TIMM10B: variants seen among roughly 807,000 people sequenced by gnomAD.
TIMM10B encodes mitochondrial import inner membrane translocase subunit Tim10 B.
A neutral mutation model predicts 12.6 loss-of-function variants in TIMM10B; 17 were observed. The observed-to-expected ratio is 1.35, with a 90% CI of 0.92 to 2.03. TIMM10B has a LOEUF of 2.03. Ranked by LOEUF, TIMM10B falls within the 30% of genes most tolerant of loss-of-function variation. The probability of loss-of-function intolerance (pLI) is 0.00; values close to 1 mark genes in which losing one functional copy is unlikely to be tolerated. For missense variants in TIMM10B, 165 were observed against 133.3 expected (o/e 1.24, Z -1.17); for synonymous variants, 63 against 51.3 (o/e 1.23, Z -0.97).
rs748468669 is a variant in TIMM10B, at chr11:6,481,758, T to C, written c.41T>C (p.Leu14Pro). 1.2e-6 allele frequency: 2 copies of C among 1,614,020 alleles called. No individual in the cohort carries two copies. Among genetic ancestry groups the C allele is most frequent in the East Asian group, 2.2e-5 (1 of 44,894 alleles). The change falls in exon 2 of 3, where the codon CTG becomes CCG. Residue 14 changes from leucine (L) to proline (P), a missense_variant and splice_region_variant. By Grantham distance (98) the Leu-to-Pro change is moderately conservative. Coordinates refer to ENST00000254616, the MANE Select transcript of TIMM10B (RefSeq NM_012192.4). Reference sequence around the variant, plus strand: ...TTTGTGGTCCCCCTTTTCTCTCAGCTGCGTGACTTCCTGTTGGTCTACAAT... The same window carrying C: ...TTTGTGGTCCCCCTTTTCTCTCAGCCGCGTGACTTCCTGTTGGTCTACAAT... The part of the protein sequence containing the change: ...QQQQQQQLRN[L>P]RDFLLVYNRM...
chr11:6,481,524 GGCAGCA>G lies in TIMM10B; in HGVS notation c.18_23del (p.Gln9_Gln10del). The G allele has an allele frequency of 3.7e-6, 6 of 1,610,484 alleles. No homozygotes were observed. The highest frequency in any genetic ancestry group is 4.2e-6 in the Non-Finnish European group (5 of 1,178,472). The stretch of plus-strand genomic sequence containing the variant: ...GCATGCGCCGGTGGCGTGATGGAGC[GGCAGCA>G]GCAGCAGCAACAGCAACTGCGAAAC... On this transcript the variant is annotated inframe_deletion, in exon 1 of 3. Transcript: ENST00000254616.
rs1355761988 is a variant in TIMM10B, at chr11:6,483,489, C to T, written c.*1268C>T. 1.3e-5 allele frequency: 2 copies of T among 152,264 alleles called. No individual in the cohort carries two copies. The highest frequency in any genetic ancestry group is 4.8e-5 in the African/African-American group (2 of 41,434). 9.4% of individuals were successfully genotyped at this position (152,264 alleles called of 1,614,324 possible). On this transcript the variant is annotated 3_prime_UTR_variant, in exon 3 of 3. Coordinates refer to ENST00000254616, the MANE Select transcript of TIMM10B (RefSeq NM_012192.4). ...ACTTATTCTGTCTTTTCCATTCCTT[C>T]ATTCAAACTGCTAGAGAAAAACAGT... is the stretch of plus-strand genomic sequence containing the variant.
rs937414600 is a variant in TIMM10B, at chr11:6,482,730, G to T, written c.*509G>T. On this transcript the variant is annotated 3_prime_UTR_variant, in exon 3 of 3. Coordinates refer to ENST00000254616, the MANE Select transcript of TIMM10B (RefSeq NM_012192.4). ...CCTGCCCAGATGACAGAAAATGGGA[G>T]CTCTGTCTAGTTGTCCTTAAGTCTG... The T allele has an allele frequency of 2.6e-5, 4 of 155,398 alleles. No individual in the cohort carries two copies. Among genetic ancestry groups the T allele is most frequent in the Non-Finnish European group, 5.7e-5 (4 of 69,788 alleles). 9.6% of individuals were successfully genotyped at this position (155,398 alleles called of 1,614,324 possible).
At position 6,482,901 on chromosome 11, in the gene TIMM10B, G is replaced by T. The variant is rs573715471; in HGVS notation, c.*680G>T. ...AGTACAACGGATCAAAAAACCACAG[G>T]GCTTTTGGGCACTGCCTCCTTGGGA... On this transcript the variant is annotated 3_prime_UTR_variant, in exon 3 of 3. Coordinates refer to ENST00000254616, the MANE Select transcript of TIMM10B (RefSeq NM_012192.4). The T allele has an allele frequency of 1.4e-4, 21 of 152,318 alleles. No homozygotes were observed. Among genetic ancestry groups the T allele is most frequent in the African/African-American group, 4.8e-4 (20 of 41,556 alleles). The allele number at this position is 152,318 out of a possible 1,614,324, so 9.4% of individuals were successfully genotyped here. A position where few individuals can be genotyped will look rare whatever the true frequency, so the allele number is the denominator to read the frequency against.
In TIMM10B at chr11:6,484,429, A is replaced by G. The variant is rs1013382572; in HGVS notation, c.*2208A>G. 2.0e-5 allele frequency: 3 copies of G among 152,148 alleles called. No individual in the cohort carries two copies. Among genetic ancestry groups the G allele is most frequent in the Non-Finnish European group, 4.4e-5 (3 of 68,038 alleles). 9.4% of individuals were successfully genotyped at this position (152,148 alleles called of 1,614,324 possible). A position where few individuals can be genotyped will look rare whatever the true frequency, so the allele number is the denominator to read the frequency against. On this transcript the variant is annotated 3_prime_UTR_variant, in exon 3 of 3. Transcript: ENST00000254616. ...CTTATTGAGAAAAGTGGTTCCAATCATGTTTTTTGCCCCCTTTAGCTGCTA... is the reference window on the plus strand; with the variant it reads ...CTTATTGAGAAAAGTGGTTCCAATCGTGTTTTTTGCCCCCTTTAGCTGCTA...
At chr11:6,481,717 G>A (rs1357467562) in intron 1 of TIMM10B, 40 bp from the exon 2 acceptor site, 3 of 1,613,584 alleles carry the variant, frequency 1.9e-6, no homozygotes, top group Non-Finnish European at 2.5e-6. Flanking sequence ...AGAAGTGTGG[G>A]GCCCTTATCG....
intron 1 of TIMM10B, 99 bp downstream of exon 1, chr11:6,481,654 CTT>C: frequency 6.3e-7 from 1 of 1,583,746 alleles, no homozygotes; most frequent in Non-Finnish European, 8.6e-7. Context: ...GGGCTGGAAA[CTT>C]CGGGCTATGG....
At position 6,484,445 on chromosome 11, in the gene TIMM10B, T is replaced by C. The variant is rs977272225; in HGVS notation, c.*2224T>C. 4 of 152,196 alleles carry C rather than the reference T, an allele frequency of 2.6e-5. No homozygotes were observed. Among genetic ancestry groups the C allele is most frequent in the Non-Finnish European group, 4.4e-5 (3 of 68,036 alleles). 9.4% of individuals were successfully genotyped at this position (152,196 alleles called of 1,614,324 possible). A position where few individuals can be genotyped will look rare whatever the true frequency, so the allele number is the denominator to read the frequency against. On this transcript the variant is annotated 3_prime_UTR_variant, in exon 3 of 3. Coordinates refer to ENST00000254616, the MANE Select transcript of TIMM10B (RefSeq NM_012192.4). ...GTTCCAATCATGTTTTTTGCCCCCT[T>C]TAGCTGCTATCTCTTGAACAGAAAA...
rs1355322366 is a variant in TIMM10B, at chr11:6,482,014, A to T, written c.136-31A>T. ...GAGGCGGACCCGACAGGGCACCTTT[A>T]TCCTCCACTTAAACCCTATCTTCCT... On this transcript the variant is annotated intron_variant, in intron 2 of 2. Transcript: ENST00000254616. The T allele has an allele frequency of 1.9e-6, 3 of 1,602,472 alleles. No homozygotes were observed. In the African/African-American group the frequency reaches 4.0e-5, roughly 21 times the overall value.
In TIMM10B at chr11:6,483,684, C is replaced by T. The variant is rs1190992316; in HGVS notation, c.*1463C>T. On this transcript the variant is annotated 3_prime_UTR_variant, in exon 3 of 3. Coordinates refer to ENST00000254616, the MANE Select transcript of TIMM10B (RefSeq NM_012192.4). The stretch of plus-strand genomic sequence containing the variant: ...CTGCTGTCCTTAATCCCATACCCCA[C>T]CCTCATCAGGTGACCCTGTTTCCTT... 1 of 152,270 alleles carries T rather than the reference C, an allele frequency of 6.6e-6. No homozygotes were observed. The allele number at this position is 152,270 out of a possible 1,614,324, so 9.4% of individuals were successfully genotyped here.
intron 1 of TIMM10B, 69 bp from the exon 2 acceptor site, chr11:6,481,688 G>T (rs1589857480): frequency 6.2e-7 from 1 of 1,605,896 alleles, no homozygotes; most frequent in East Asian, 2.2e-5. Flanking sequence ...GGGAAACTTT[G>T]GGCGGCGCGA....
At chr11:6,481,904 T>C (rs1460861763) in intron 2 of TIMM10B, 52 bp downstream of exon 2, 16 of 1,608,002 alleles carry the variant, frequency 1.0e-5, no homozygotes, top group Admixed American at 1.7e-5. Context: ...AGCGGTAGAC[T>C]GCTTCCCTCC....
intron 2 of TIMM10B, 55 bp from the exon 3 acceptor site, chr11:6,481,990 A>T: frequency 6.3e-7 from 1 of 1,595,576 alleles, no homozygotes; most frequent in Non-Finnish European, 8.6e-7. Context: ...GGAAGAAAGG[A>T]GGCGGACCCG....
intron 2 of TIMM10B, 35 bp from the exon 3 acceptor site, chr11:6,482,010 C>A (rs1564986917): frequency 6.2e-7 from 1 of 1,601,956 alleles, no homozygotes; most frequent in Non-Finnish European, 8.5e-7. Flanking sequence ...GACAGGGCAC[C>A]TTTATCCTCC....
In TIMM10B at chr11:6,483,583, C is replaced by CA. The variant is rs1851876477; in HGVS notation, c.*1363dup. The CA allele has an allele frequency of 1.3e-5, 2 of 152,398 alleles. No individual in the cohort carries two copies. Among genetic ancestry groups the CA allele is most frequent in the African/African-American group, 2.4e-5 (1 of 41,412 alleles). The allele number at this position is 152,398 out of a possible 1,614,324, so 9.4% of individuals were successfully genotyped here. ...CCAAGTCCTCACACCAACACGCAGTCACACCAACACACACCTTTATGGGTT... is the reference window on the plus strand; with the variant it reads ...CCAAGTCCTCACACCAACACGCAGTCAACACCAACACACACCTTTATGGGTT... On this transcript the variant is annotated 3_prime_UTR_variant, in exon 3 of 3. Transcript: ENST00000254616.
chr11:6,481,842 AC>A lies in TIMM10B; in HGVS notation c.126del (p.Asp42GlufsTer15). On this transcript the variant is annotated frameshift_variant, in exon 2 of 3. Coordinates refer to ENST00000254616, the MANE Select transcript of TIMM10B (RefSeq NM_012192.4). LOFTEE classifies it high-confidence loss of function. ...CCCAGCTTGCACCACCGAGCTCTGG[AC>A]GCTGAGGAGGTGGGGAACTGTGTAG... The part of the protein sequence containing the change: ...CVPSLHHRAL[D>X]AEEEACLHSC... 1 of 1,613,784 alleles carries A rather than the reference AC, an allele frequency of 6.2e-7. No homozygotes were observed. Among genetic ancestry groups the A allele is most frequent in the Non-Finnish European group, 8.5e-7 (1 of 1,179,994 alleles).
Position 6,482,589 on chromosome 11 carries a change from C to T in TIMM10B, c.*368C>T, listed in dbSNP as rs1851839713. The stretch of plus-strand genomic sequence containing the variant: ...TTTAAAACGGGTAATATGTCATGCT[C>T]TTAGTTCATCTTCACAACAAAACTA... On this transcript the variant is annotated 3_prime_UTR_variant, in exon 3 of 3. Coordinates refer to ENST00000254616, the MANE Select transcript of TIMM10B (RefSeq NM_012192.4). The T allele has an allele frequency of 5.1e-6, 1 of 195,148 alleles. No individual in the cohort carries two copies. Among genetic ancestry groups the T allele is most frequent in the Non-Finnish European group, 1.1e-5 (1 of 92,086 alleles). 12.1% of individuals were successfully genotyped at this position (195,148 alleles called of 1,614,324 possible). A position where few individuals can be genotyped will look rare whatever the true frequency, so the allele number is the denominator to read the frequency against.
Position 6,482,256 on chromosome 11 carries a change from G to A in TIMM10B, c.*35G>A, listed in dbSNP as rs1352195645. 1 of 1,572,496 alleles carries A rather than the reference G, an allele frequency of 6.4e-7. No individual in the cohort carries two copies. Among genetic ancestry groups the A allele is most frequent in the South Asian group, 1.1e-5 (1 of 89,676 alleles). On this transcript the variant is annotated 3_prime_UTR_variant, in exon 3 of 3. Coordinates refer to ENST00000254616, the MANE Select transcript of TIMM10B (RefSeq NM_012192.4). ...ACCCCAGGAAGGAAGGCCTTGGATG[G>A]ACCCTCAGATTGAAGGACCCGGTGG...
At position 6,483,470 on chromosome 11, in the gene TIMM10B, T is replaced by C. The variant is rs1211742343; in HGVS notation, c.*1249T>C. The C allele has an allele frequency of 1.3e-5, 2 of 152,374 alleles. No homozygotes were observed. The highest frequency in any genetic ancestry group is 4.1e-4 in the South Asian group (2 of 4,824). 9.4% of individuals were successfully genotyped at this position (152,374 alleles called of 1,614,324 possible). A position where few individuals can be genotyped will look rare whatever the true frequency, so the allele number is the denominator to read the frequency against. ...CATCTTTTTGTATCATTCCACTTAT[T>C]CTGTCTTTTCCATTCCTTCATTCAA... On this transcript the variant is annotated 3_prime_UTR_variant, in exon 3 of 3. Transcript: ENST00000254616.
Sources: gnomAD v4.1 joint callset for allele counts on GRCh38, gnomAD v4.1.1 for gene constraint, MANE v1.5 for transcripts, NCBI Gene and HGNC (gene_info 2026-07-23, HGNC 2026-07-21) for gene names.